FRMD4A: variants seen among roughly 807,000 people sequenced by gnomAD.
FRMD4A encodes the protein FERM domain-containing protein 4A.
In FRMD4A, 29 loss-of-function variants were observed where a neutral mutation model predicts 129.1. The observed-to-expected ratio is 0.22, with a 90% CI of 0.17 to 0.31. The LOEUF (loss-of-function observed/expected upper bound fraction) is 0.31. Ranked by LOEUF, FRMD4A falls within the 10% of genes least tolerant of loss-of-function variation. The probability of loss-of-function intolerance (pLI) is 1.00; values close to 1 mark genes in which losing one functional copy is unlikely to be tolerated. For synonymous variants in FRMD4A, 634 were observed against 571.6 expected (o/e 1.11, Z -1.56); for missense variants, 1,272 against 1,375.8 (o/e 0.92, Z 1.19).
intron 15 of FRMD4A, among the ~76,000 whole-genome samples, chr10:13,687,089 G>C (rs776184613): frequency 3.9e-5 from 6 of 152,080 alleles, no homozygotes; most frequent in African/African-American, 7.2e-5. Context: ...TCAAGAGTTC[G>C]AGACCATCCT....
chr10:13,859,466 A>G (rs1564925478), intron 2 of FRMD4A, among the ~76,000 whole-genome samples: 1 of 152,222 alleles, frequency 6.6e-6, no homozygotes, highest in Non-Finnish European at 1.5e-5. Flanking sequence ...CACACAAGAC[A>G]AAGTTCCCAT....
rs748665369 is a variant in FRMD4A at position 14,139,162 on chromosome 10, T to G, written c.45+190896A>C. On this transcript the variant is annotated intron_variant, in intron 2 of 24. Transcript: ENST00000357447. ...TAGCAGAAGCAGGAAGAAATGTGCATGGGGAATGAAGCCAATTATTTTTTT... is the reference window on the plus strand; with the variant it reads ...TAGCAGAAGCAGGAAGAAATGTGCAGGGGGAATGAAGCCAATTATTTTTTT... Among the ~76,000 whole-genome samples the G allele has an allele frequency of 3.2e-4, 48 of 152,364 alleles. 1 individual carries two copies. Among genetic ancestry groups the G allele is most frequent in the East Asian group, 2.3e-3 (12 of 5,190 alleles).
intron 2 of FRMD4A, among the ~76,000 whole-genome samples, chr10:14,049,174 G>A (rs1834139981): frequency 6.6e-6 from 1 of 152,168 alleles, no homozygotes; most frequent in Admixed American, 6.5e-5. Flanking sequence ...ACAGAACCAG[G>A]ATAAGAGCAG....
chr10:14,189,391 T>C (rs1426745933), intron 2 of FRMD4A, among the ~76,000 whole-genome samples: 3 of 152,046 alleles, frequency 2.0e-5, no homozygotes, highest in South Asian at 2.1e-4. Context: ...CTGACCAATA[T>C]GATGAAACCT....
intron 2 of FRMD4A, among the ~76,000 whole-genome samples, chr10:14,059,344 A>T (rs1216245515): frequency 6.6e-6 from 1 of 152,218 alleles, no homozygotes; most frequent in African/African-American, 2.4e-5. Context: ...AACCACCAGC[A>T]TGGCAATATC....
chr10:14,166,248 TATGACTA>T (rs1404259792), intron 2 of FRMD4A, among the ~76,000 whole-genome samples: 1 of 151,006 alleles, frequency 6.6e-6, no homozygotes, highest in Non-Finnish European at 1.5e-5. Flanking sequence ...TTCAATACAT[TATGACTA>T]TTAGAACAAT....
At chr10:14,200,392 C>T (rs1842601203) in intron 2 of FRMD4A, among the ~76,000 whole-genome samples, 1 of 139,012 alleles carries the variant, frequency 7.2e-6, no homozygotes, top group Non-Finnish European at 1.7e-5. Context: ...CTCCTAGGTT[C>T]AAGTGATTCT....
At chr10:14,055,184 T>A (rs11258841) in intron 2 of FRMD4A, among the ~76,000 whole-genome samples, 72,893 of 151,808 alleles carry the variant, frequency 0.48, 18,115 homozygotes, top group Middle Eastern at 0.57. Context: ...GTACTCAACC[T>A]CAGTCACTTT....
At chr10:13,959,983 A>G (rs2095436466) in intron 2 of FRMD4A, among the ~76,000 whole-genome samples, 1 of 152,212 alleles carries the variant, frequency 6.6e-6, no homozygotes, top group African/African-American at 2.4e-5. Flanking sequence ...CAGGCAAATC[A>G]CAAAATGCTT....
intron 3 of FRMD4A, among the ~76,000 whole-genome samples, chr10:13,830,446 T>C (rs1036819946): frequency 9.2e-5 from 14 of 152,198 alleles, no homozygotes; most frequent in Admixed American, 3.3e-4. Context: ...AGCCAAACTA[T>C]AGACTCTGAA....
intron 2 of FRMD4A, among the ~76,000 whole-genome samples, chr10:14,185,810 G>C (rs561967021): frequency 1.3e-5 from 2 of 152,268 alleles, no homozygotes; most frequent in South Asian, 4.1e-4. Flanking sequence ...GGGCGGAATA[G>C]GGTAGACAGG....
At chr10:13,793,311 A>G (rs953914545) in intron 5 of FRMD4A, among the ~76,000 whole-genome samples, 2 of 151,970 alleles carry the variant, frequency 1.3e-5, no homozygotes, top group Non-Finnish European at 2.9e-5. Flanking sequence ...AGCTGGGATT[A>G]CAGGCATGCA....
chr10:13,879,751 C>G (rs115412829), intron 2 of FRMD4A, among the ~76,000 whole-genome samples: 1 of 116,700 alleles, frequency 8.6e-6, no homozygotes, highest in African/African-American at 3.2e-5. Context: ...CCCTTCTCCC[C>G]CCTCCCCCTC....
At chr10:14,211,362 G>C (rs1157110574) in intron 2 of FRMD4A, among the ~76,000 whole-genome samples, 2 of 152,134 alleles carry the variant, frequency 1.3e-5, no homozygotes, top group African/African-American at 4.8e-5. Context: ...TTCAGTGAGA[G>C]GCAGATTCTG....
At chr10:13,911,958 C>T (rs1432254116) in intron 2 of FRMD4A, among the ~76,000 whole-genome samples, 1 of 152,160 alleles carries the variant, frequency 6.6e-6, no homozygotes, top group Admixed American at 6.5e-5. Flanking sequence ...TCTAGGTCCT[C>T]AAAATACTGA....
At chr10:14,269,819 C>T (rs1052732577) in intron 2 of FRMD4A, among the ~76,000 whole-genome samples, 4 of 152,192 alleles carry the variant, frequency 2.6e-5, no homozygotes, top group Admixed American at 1.3e-4. Flanking sequence ...TTTTGAATCA[C>T]TGCATTAATT....
At chr10:14,166,830 T>C (rs893691039) in intron 2 of FRMD4A, among the ~76,000 whole-genome samples, 2 of 152,256 alleles carry the variant, frequency 1.3e-5, no homozygotes, top group African/African-American at 4.8e-5. Flanking sequence ...CCAGTTGCTT[T>C]GGCCTTCGTG....
intron 2 of FRMD4A, among the ~76,000 whole-genome samples, chr10:14,181,176 C>T (rs1841900459): frequency 6.6e-6 from 1 of 152,224 alleles, no homozygotes; most frequent in Non-Finnish European, 1.5e-5. Context: ...TTATCATAAA[C>T]ACTTCAGCTG....
chr10:13,781,155 T>A (rs1375163163), intron 6 of FRMD4A, among the ~76,000 whole-genome samples: 1 of 151,512 alleles, frequency 6.6e-6, no homozygotes, highest in Non-Finnish European at 1.5e-5. Context: ...AATACAAAAA[T>A]TAGCTGGGTG....
Sources: gnomAD v4.1 joint callset for allele counts (sites outside exome capture counted in the v4.1 genomes callset) on GRCh38, gnomAD v4.1.1 for gene constraint, MANE v1.5 for transcripts, NCBI Gene and HGNC (gene_info 2026-07-23, HGNC 2026-07-21) for gene names.